COG4: variants seen among roughly 807,000 people sequenced by gnomAD.
The protein encoded by COG4 is component of oligomeric golgi complex 4.
Under a neutral mutation model 95.1 loss-of-function variants are expected in COG4, and 65 were observed. The observed-to-expected ratio is 0.68, with a 90% confidence interval of 0.56 to 0.84. COG4 has a LOEUF of 0.84. COG4 is among the 40% of genes least tolerant of loss of function. The pLI is 0.00. For missense variants in COG4, 1,045 were observed against 989.1 expected (o/e 1.06, Z -0.76); for synonymous variants, 421 against 374.8 (o/e 1.12, Z -1.42).
chr16:70,515,990 C>A (rs1449244278), intron 3 of COG4: 1 of 455,958 alleles, frequency 2.2e-6, no homozygotes, highest in Non-Finnish European at 4.4e-6. Flanking sequence ...TTCACAGATG[C>A]TCTTTATCAG....
chr16:70,493,104 G>A (rs2049277471), intron 12 of COG4, among the ~76,000 whole-genome samples: 1 of 152,138 alleles, frequency 6.6e-6, no homozygotes, highest in Non-Finnish European at 1.5e-5. Context: ...ACATAAAAGG[G>A]TAGAACATAA....
chr16:70,496,142 T>A, intron 12 of COG4, 124 bp downstream of exon 12: 2 of 1,002,528 alleles, frequency 2.0e-6, no homozygotes, highest in Non-Finnish European at 3.1e-6. Flanking sequence ...AAGGAGGAAT[T>A]TTCCTTCTAT....
chr16:70,482,202 C>T (rs1450642223), intron 15 of COG4, 27 bp from the exon 16 acceptor site: 1 of 1,445,646 alleles, frequency 6.9e-7, no homozygotes, highest in Non-Finnish European at 9.7e-7. Context: ...GGGCTGGTCA[C>T]CATGGGCCTC....
chr16:70,492,934 G>C (rs1384840556), intron 12 of COG4, among the ~76,000 whole-genome samples: 1 of 152,144 alleles, frequency 6.6e-6, no homozygotes, highest in Non-Finnish European at 1.5e-5. Context: ...TTGCACCCCA[G>C]CTGGGGCAAC....
chr16:70,518,650 T>C (rs894650682), intron 2 of COG4, among the ~76,000 whole-genome samples: 1 of 152,038 alleles, frequency 6.6e-6, no homozygotes, highest in Non-Finnish European at 1.5e-5. Context: ...AGGGAACAAT[T>C]TTTATGACTA....
chr16:70,505,161 CTT>C (rs975897729), intron 8 of COG4, among the ~76,000 whole-genome samples: 21 of 149,396 alleles, frequency 1.4e-4, no homozygotes, highest in Admixed American at 6.0e-4. Flanking sequence ...CTCAGTAAAA[CTT>C]TGGTTGAATG....
At chr16:70,490,556 G>A (rs752538925) in intron 12 of COG4, among the ~76,000 whole-genome samples, 164 bp from the exon 13 acceptor site, 24 of 152,192 alleles carry the variant, frequency 1.6e-4, no homozygotes, top group Admixed American at 2.6e-4. Context: ...TGAGCAGGAC[G>A]CTCAGATCTT....
chr16:70,509,056 A>C (rs1022678886), intron 7 of COG4, 175 bp downstream of exon 7: 1 of 764,670 alleles, frequency 1.3e-6, no homozygotes, highest in African/African-American at 1.7e-5. Flanking sequence ...TCTCGACAAC[A>C]CCTCAAGTCC....
At chr16:70,511,781 A>C (rs1597685249) in intron 5 of COG4, among the ~76,000 whole-genome samples, 1 of 151,862 alleles carries the variant, frequency 6.6e-6, no homozygotes, top group South Asian at 2.1e-4. Flanking sequence ...AAAAATACAA[A>C]ATTAGCTGGG....
rs1278791374 is a variant in COG4 at position 70,497,082 on chromosome 16, T to C, written c.1481+139A>G. On this transcript the variant is annotated intron_variant, in intron 11 of 18. Transcript: ENST00000323786. ...ACCAACAGCTTCCTGGAGCCAAGGATACTATCTTAGGGATAGGAGCTGATG... is the reference window on the plus strand; with the variant it reads ...ACCAACAGCTTCCTGGAGCCAAGGACACTATCTTAGGGATAGGAGCTGATG... 1.6e-5 allele frequency: 14 copies of C among 870,020 alleles called. No individual in the cohort carries two copies. In the East Asian group the frequency reaches 3.1e-4, roughly 20 times the overall value. The allele number at this position is 870,020 out of a possible 1,614,324, so 53.9% of individuals were successfully genotyped here. A position where few individuals can be genotyped will look rare whatever the true frequency, so the allele number is the denominator to read the frequency against.
intron 3 of COG4, chr16:70,515,844 A>T (rs1410787870): frequency 6.1e-6 from 2 of 330,528 alleles, no homozygotes; most frequent in Non-Finnish European, 1.2e-5. Context: ...TTTTTTAAAA[A>T]ATTTTTGTAG....
At position 70,523,482 on chromosome 16, in the gene COG4, G is replaced by GA. The variant is rs749919590; in HGVS notation, c.61dup (p.Ser21PhefsTer2). 3 of 1,613,948 alleles carry GA rather than the reference G, an allele frequency of 1.9e-6. No homozygotes were observed. The African/African-American group carries it at 4.0e-5, about 22-fold the overall frequency. On this transcript the variant is annotated frameshift_variant, in exon 1 of 19. Transcript: ENST00000323786. LOFTEE classifies it high-confidence loss of function. ...GCAGCGGCCACCTCCCACCCCCTCA[G>GA]ACGGCTGCTGCACCCCTGACAGCTT...
intron 9 of COG4, among the ~76,000 whole-genome samples, chr16:70,498,862 T>C (rs2049393080): frequency 1.3e-5 from 2 of 152,224 alleles, no homozygotes; most frequent in Admixed American, 6.5e-5. Flanking sequence ...TAAAAATATA[T>C]TGGATATAGA....
intron 12 of COG4, among the ~76,000 whole-genome samples, chr16:70,491,752 AG>A (rs2049248361): frequency 7.1e-6 from 1 of 140,726 alleles, no homozygotes; most frequent in South Asian, 2.4e-4. Flanking sequence ...TGAACTTGGG[AG>A]GCGTAGGTTG....
At chr16:70,515,774 C>T (rs1247534269) in intron 3 of COG4, 4 of 292,872 alleles carry the variant, frequency 1.4e-5, no homozygotes, top group Non-Finnish European at 6.7e-6. Flanking sequence ...TCTTGTTCCT[C>T]ATCTTAGGGG....
intron 1 of COG4, among the ~76,000 whole-genome samples, chr16:70,519,995 T>C (rs2049901173): frequency 6.6e-6 from 1 of 152,176 alleles, no homozygotes; most frequent in Non-Finnish European, 1.5e-5. Flanking sequence ...TAGTGCCTAA[T>C]ACAGGAAGGC....
chr16:70,519,770 G>T, intron 1 of COG4, 39 bp from the exon 2 acceptor site: 1 of 1,462,208 alleles, frequency 6.8e-7, no homozygotes. Flanking sequence ...AGAATGATCA[G>T]AAGGAACCTT....
intron 2 of COG4, 42 bp from the exon 3 acceptor site, chr16:70,517,782 G>C: frequency 7.2e-7 from 1 of 1,391,766 alleles, no homozygotes; most frequent in Non-Finnish European, 1.0e-6. Flanking sequence ...CGATAGGGCA[G>C]AGAAGAGACA....
intron 5 of COG4, among the ~76,000 whole-genome samples, chr16:70,510,637 C>T (rs528397431): frequency 2.0e-5 from 3 of 152,126 alleles, no homozygotes; most frequent in South Asian, 4.1e-4. Context: ...TTATCATTAA[C>T]AGTGCTTTCT....
Sources: allele counts gnomAD v4.1 joint callset (sites outside exome capture counted in the v4.1 genomes callset), GRCh38; gene constraint gnomAD v4.1.1; transcripts MANE v1.5; gene names NCBI Gene and HGNC (gene_info 2026-07-23, HGNC 2026-07-21).